Variants in MYRIP observed in about 807,000 individuals in gnomAD.
The protein encoded by MYRIP is rab effector MyRIP.
A neutral mutation model predicts 98.0 loss-of-function variants in MYRIP; 49 were observed. The ratio of observed to expected loss-of-function variants is 0.50; its 90% CI spans 0.40 to 0.63. The LOEUF is 0.63. Among genes scored for constraint, MYRIP ranks in the 30% least tolerant of loss-of-function variants. The probability of loss-of-function intolerance (pLI) is 0.00; values close to 1 mark genes in which losing one functional copy is unlikely to be tolerated. For missense variants in MYRIP, 1,004 were observed against 1,058.2 expected, an observed-to-expected ratio of 0.95 and a Z score of 0.71; for synonymous variants, 404 against 409.5, an observed-to-expected ratio of 0.99 and a Z score of 0.16.
At chr3:40,049,116 A>C (rs1164781482) in intron 3 of MYRIP, among the ~76,000 whole-genome samples, 1 of 152,192 alleles carries the variant, frequency 6.6e-6, no homozygotes, top group Non-Finnish European at 1.5e-5. Flanking sequence ...GAAACAAATT[A>C]GCTTTCTAGC....
At chr3:40,204,191 AATATT>A (rs1223162481) in intron 10 of MYRIP, among the ~76,000 whole-genome samples, 1 of 57,170 alleles carries the variant, frequency 1.7e-5, no homozygotes, top group African/African-American at 6.0e-5. Context: ...ATAATATATA[AATATT>A]ATATTATATA....
chr3:40,068,854 G>A (rs960780563), intron 3 of MYRIP, among the ~76,000 whole-genome samples: 2 of 152,190 alleles, frequency 1.3e-5, no homozygotes, highest in African/African-American at 4.8e-5. Flanking sequence ...CAGTTGCAGG[G>A]CGGAACATTC....
At chr3:39,920,056 T>G (rs1944273386) in intron 2 of MYRIP, among the ~76,000 whole-genome samples, 1 of 152,030 alleles carries the variant, frequency 6.6e-6, no homozygotes. Flanking sequence ...AATGTCTTCA[T>G]CCTCATTTAA....
chr3:40,184,323 A>G (rs1479678211), intron 9 of MYRIP, among the ~76,000 whole-genome samples: 1 of 152,252 alleles, frequency 6.6e-6, no homozygotes, highest in African/African-American at 2.4e-5. Flanking sequence ...CTAGCTTTCT[A>G]AAATCACTTT....
intron 1 of MYRIP, among the ~76,000 whole-genome samples, chr3:39,886,292 C>A (rs1316984325): frequency 4.0e-5 from 6 of 150,202 alleles, no homozygotes; most frequent in Non-Finnish European, 7.4e-5. Flanking sequence ...AACGAGCAAA[C>A]TAACCAGCTA....
intron 1 of MYRIP, among the ~76,000 whole-genome samples, chr3:39,845,974 C>T (rs1351697398): frequency 6.6e-6 from 1 of 152,142 alleles, no homozygotes; most frequent in Non-Finnish European, 1.5e-5. Context: ...GACCTTCCTG[C>T]AGTCACAGAA....
intron 1 of MYRIP, among the ~76,000 whole-genome samples, chr3:39,884,138 A>G (rs1943227174): frequency 6.6e-6 from 1 of 152,132 alleles, no homozygotes. Context: ...ACTAGAAACC[A>G]GTAGAATATC....
At chr3:40,039,429 G>A (rs550657266) in intron 2 of MYRIP, among the ~76,000 whole-genome samples, 7 of 152,226 alleles carry the variant, frequency 4.6e-5, no homozygotes, top group South Asian at 2.1e-4. Context: ...ACACGAGGAA[G>A]GGAAGAGAAT....
chr3:40,190,043 G>A lies in MYRIP; in HGVS notation c.1245G>A (p.Arg415=), dbSNP rs774302051. 20 of 1,613,912 alleles carry A rather than the reference G, an allele frequency of 1.2e-5. No individual in the cohort carries two copies. The highest frequency in any genetic ancestry group is 1.7e-5 in the Non-Finnish European group (20 of 1,179,980). The change falls in exon 10 of 17, where the codon CGG becomes CGA. Residue 415 remains arginine, a synonymous_variant. Coordinates refer to ENST00000302541, the MANE Select transcript of MYRIP (RefSeq NM_015460.4). ...TGAGCAAGCTGTGTCCCAGGTCCCGGGCCCTGCCCAGGAACCCCCAGCCTC... is the reference window on the plus strand; with the variant it reads ...TGAGCAAGCTGTGTCCCAGGTCCCGAGCCCTGCCCAGGAACCCCCAGCCTC... ...EALSKLCPRS[R]ALPRNPQPQP... is the part of the protein sequence containing the mutation.
Position 39,969,029 on chromosome 3 carries a change from G to A in MYRIP, c.110+68103G>A, listed in dbSNP as rs146930652. On this transcript the variant is annotated intron_variant, in intron 2 of 16. Transcript: ENST00000302541. ...GAAGTGTTTTATAATTCTCATTGTA[G>A]AGATCTTTCACCTCCCTGGTTAGCT... Among the ~76,000 whole-genome samples, 475 of 152,136 alleles carry A rather than the reference G, an allele frequency of 3.1e-3. 2 individuals are homozygous for A. Among genetic ancestry groups the A allele is most frequent in the African/African-American group, 0.011 (466 of 41,484 alleles).
At chr3:40,052,925 T>A (rs1331610930) in intron 3 of MYRIP, among the ~76,000 whole-genome samples, 1 of 152,134 alleles carries the variant, frequency 6.6e-6, no homozygotes, top group Non-Finnish European at 1.5e-5. Context: ...ATAATCACTA[T>A]GTAATAAGGA....
intron 2 of MYRIP, among the ~76,000 whole-genome samples, chr3:40,021,461 G>T (rs1176295183): frequency 6.6e-6 from 1 of 152,198 alleles, no homozygotes; most frequent in African/African-American, 2.4e-5. Flanking sequence ...GTCAGAAAAT[G>T]TGTGATGATC....
chr3:39,971,209 T>C (rs1382825704), intron 2 of MYRIP, among the ~76,000 whole-genome samples: 1 of 152,030 alleles, frequency 6.6e-6, no homozygotes, highest in African/African-American at 2.4e-5. Context: ...GGGTCTAAAG[T>C]TGTTTTCATT....
intron 2 of MYRIP, among the ~76,000 whole-genome samples, chr3:40,005,618 C>T (rs1228379735): frequency 3.3e-5 from 5 of 152,164 alleles, no homozygotes; most frequent in African/African-American, 1.2e-4. Context: ...TCATTGGCAC[C>T]AAATGGAAAT....
At chr3:40,025,854 C>G (rs1362935852) in intron 2 of MYRIP, among the ~76,000 whole-genome samples, 1 of 152,234 alleles carries the variant, frequency 6.6e-6, no homozygotes, top group East Asian at 1.9e-4. Flanking sequence ...AGATCACATG[C>G]TTCTGAGGAA....
chr3:39,896,110 A>AAAAAC (rs1362545791), intron 1 of MYRIP, among the ~76,000 whole-genome samples: 1 of 149,498 alleles, frequency 6.7e-6, no homozygotes. Context: ...AATGGAAACA[A>AAAAAC]AAAACAAAAT....
At chr3:39,827,255 C>T (rs903352326) in intron 1 of MYRIP, among the ~76,000 whole-genome samples, 3 of 152,076 alleles carry the variant, frequency 2.0e-5, no homozygotes, top group East Asian at 1.9e-4. Context: ...TAAGAGTGTT[C>T]GCATGTGCCA....
intron 1 of MYRIP, among the ~76,000 whole-genome samples, chr3:39,861,901 A>T (rs1214369646): frequency 6.6e-6 from 1 of 152,214 alleles, no homozygotes; most frequent in Non-Finnish European, 1.5e-5. Flanking sequence ...GAAAGCAAGC[A>T]ACTTGGAAAA....
chr3:40,252,355 C>T (rs1180044706), intron 16 of MYRIP, among the ~76,000 whole-genome samples: 3 of 152,148 alleles, frequency 2.0e-5, no homozygotes, highest in Non-Finnish European at 4.4e-5. Context: ...TAACCCAAAG[C>T]ATCCGGCTTA....
Sources: allele counts gnomAD v4.1 joint callset (sites outside exome capture counted in the v4.1 genomes callset), GRCh38; gene constraint gnomAD v4.1.1; transcripts MANE v1.5; gene names NCBI Gene and HGNC (gene_info 2026-07-23, HGNC 2026-07-21).